MDGA2: variants seen among roughly 807,000 people sequenced by gnomAD.
The protein encoded by MDGA2 is MAM domain-containing glycosylphosphatidylinositol anchor protein 2.
In MDGA2, 40 loss-of-function variants were observed where a neutral mutation model predicts 117.8. That is an observed-to-expected ratio of 0.34 (90% CI 0.26 to 0.44). The LOEUF is 0.44. Ranked by LOEUF, MDGA2 falls within the 20% of genes least tolerant of loss-of-function variation. The pLI is 1.00. For synonymous variants in MDGA2, 452 were observed against 439.0 expected (o/e 1.03, Z -0.37); for missense variants, 1,123 against 1,250.6 (o/e 0.90, Z 1.54).
intron 1 of MDGA2, among the ~76,000 whole-genome samples, chr14:47,580,373 G>T (rs551428761): frequency 4.7e-4 from 71 of 151,896 alleles, no homozygotes; most frequent in Non-Finnish European, 1.0e-3. Flanking sequence ...ATTCATGAGG[G>T]CATTGCCCTT....
intron 14 of MDGA2, among the ~76,000 whole-genome samples, chr14:46,867,897 G>A (rs979887879): frequency 6.8e-6 from 1 of 148,140 alleles, no homozygotes; most frequent in East Asian, 2.0e-4. Context: ...GAAAATTCAA[G>A]TTAAGTCAAT....
At chr14:47,044,927 A>C (rs1372762931) in intron 7 of MDGA2, among the ~76,000 whole-genome samples, 1 of 152,136 alleles carries the variant, frequency 6.6e-6, no homozygotes, top group Non-Finnish European at 1.5e-5. Flanking sequence ...AGGTTCCTGG[A>C]GGGTAGCAAC....
At chr14:47,581,258 G>A (rs574649032) in intron 1 of MDGA2, among the ~76,000 whole-genome samples, 2 of 151,984 alleles carry the variant, frequency 1.3e-5, no homozygotes, top group Non-Finnish European at 2.9e-5. Context: ...CAGGATTTGA[G>A]AATAAGAGTC....
intron 1 of MDGA2, among the ~76,000 whole-genome samples, chr14:47,633,272 A>G (rs1009454260): frequency 5.9e-5 from 9 of 152,112 alleles, no homozygotes; most frequent in Non-Finnish European, 1.0e-4. Flanking sequence ...TTGCTGCTGA[A>G]TTCTGGACAC....
At chr14:47,261,927 T>A (rs549318508) in intron 2 of MDGA2, among the ~76,000 whole-genome samples, 1 of 152,246 alleles carries the variant, frequency 6.6e-6, no homozygotes, top group African/African-American at 2.4e-5. Context: ...GGTCTTTGAA[T>A]TAGTTATAAA....
chr14:46,892,592 G>A (rs1016277520), intron 10 of MDGA2, among the ~76,000 whole-genome samples: 4 of 151,918 alleles, frequency 2.6e-5, no homozygotes, highest in Admixed American at 2.0e-4. Context: ...AAAATCATGT[G>A]TGAACCACAT....
intron 6 of MDGA2, among the ~76,000 whole-genome samples, chr14:47,064,376 A>G (rs1284303909): frequency 6.6e-6 from 1 of 152,052 alleles, no homozygotes; most frequent in African/African-American, 2.4e-5. Context: ...TTTAATAGAG[A>G]GTCATTTCTG....
intron 14 of MDGA2, among the ~76,000 whole-genome samples, chr14:46,868,127 A>C (rs905399855): frequency 1.3e-5 from 2 of 151,938 alleles, no homozygotes; most frequent in Admixed American, 6.6e-5. Flanking sequence ...TACTGCTCTC[A>C]AGGAGTTTAC....
At chr14:47,066,331 G>A (rs1193631236) in intron 6 of MDGA2, among the ~76,000 whole-genome samples, 2 of 152,136 alleles carry the variant, frequency 1.3e-5, no homozygotes, top group African/African-American at 4.8e-5. Context: ...AATGCCAATT[G>A]TTTCCATTCA....
chr14:46,966,215 A>G (rs1886025923), intron 8 of MDGA2, among the ~76,000 whole-genome samples: 1 of 152,208 alleles, frequency 6.6e-6, no homozygotes, highest in Non-Finnish European at 1.5e-5. Flanking sequence ...AAAGACGAAC[A>G]GAAAAATTAA....
chr14:47,303,293 A>G lies in MDGA2; in HGVS notation c.281-1743T>C, dbSNP rs183733471. Among the ~76,000 whole-genome samples, 102 of 152,272 alleles carry G rather than the reference A, an allele frequency of 6.7e-4. 1 individual carries two copies. The highest frequency in any genetic ancestry group is 2.3e-3 in the African/African-American group (97 of 41,588). Reference sequence around the variant, plus strand: ...TCCTTTTCCTTTGTCTTTTTAAAGTAACTAAACTTTCTGCTATGCATCATT... The same window carrying G: ...TCCTTTTCCTTTGTCTTTTTAAAGTGACTAAACTTTCTGCTATGCATCATT... On this transcript the variant is annotated intron_variant, in intron 1 of 16. Transcript: ENST00000399232.
At chr14:46,868,135 T>C (rs1881851511) in intron 14 of MDGA2, among the ~76,000 whole-genome samples, 2 of 151,952 alleles carry the variant, frequency 1.3e-5, no homozygotes, top group Non-Finnish European at 2.9e-5. Context: ...TCAAGGAGTT[T>C]ACAATTTTAC....
chr14:47,293,949 T>C (rs1425869799), intron 2 of MDGA2, among the ~76,000 whole-genome samples: 2 of 152,106 alleles, frequency 1.3e-5, no homozygotes, highest in African/African-American at 2.4e-5. Flanking sequence ...TTGAAGACTA[T>C]AAGGAAGACT....
intron 8 of MDGA2, among the ~76,000 whole-genome samples, chr14:47,023,227 A>G (rs998417674): frequency 6.6e-6 from 1 of 151,700 alleles, no homozygotes; most frequent in African/African-American, 2.4e-5. Flanking sequence ...AGAAAAAGAA[A>G]GAAAGAAAAA....
intron 8 of MDGA2, among the ~76,000 whole-genome samples, chr14:46,983,506 A>G (rs1342060255): frequency 6.6e-6 from 1 of 152,144 alleles, no homozygotes; most frequent in Non-Finnish European, 1.5e-5. Context: ...CCAGCAAAGC[A>G]TCATCAAAAA....
chr14:47,432,124 A>C (rs1409034372), intron 1 of MDGA2, among the ~76,000 whole-genome samples: 2 of 148,346 alleles, frequency 1.3e-5, no homozygotes, highest in Non-Finnish European at 3.0e-5. Flanking sequence ...TGCTGTGCAC[A>C]TATCAAGCTC....
intron 1 of MDGA2, among the ~76,000 whole-genome samples, chr14:47,666,162 C>T (rs1897954765): frequency 6.6e-6 from 1 of 151,688 alleles, no homozygotes; most frequent in Non-Finnish European, 1.5e-5. Flanking sequence ...CTGGATGCAC[C>T]AATCGGCACT....
At chr14:47,637,725 TGTAA>T (rs1483150069) in intron 1 of MDGA2, among the ~76,000 whole-genome samples, 1 of 152,188 alleles carries the variant, frequency 6.6e-6, no homozygotes, top group East Asian at 1.9e-4. Context: ...TTATCCAAAT[TGTAA>T]GTGCAAGTTA....
At chr14:47,261,853 A>C (rs1887807163) in intron 2 of MDGA2, among the ~76,000 whole-genome samples, 1 of 152,112 alleles carries the variant, frequency 6.6e-6, no homozygotes, top group South Asian at 2.1e-4. Flanking sequence ...GAAAGAGTGC[A>C]CTATACTGTA....
Sources: gnomAD v4.1 joint callset for allele counts (sites outside exome capture counted in the v4.1 genomes callset) on GRCh38, gnomAD v4.1.1 for gene constraint, MANE v1.5 for transcripts, NCBI Gene and HGNC (gene_info 2026-07-23, HGNC 2026-07-21) for gene names.